JADE1: variants seen among roughly 807,000 people sequenced by gnomAD.
JADE1 encodes the protein protein Jade-1.
In JADE1, 14 loss-of-function variants were observed where a neutral mutation model predicts 81.8. The ratio of observed to expected loss-of-function variants is 0.17; its 90% confidence interval spans 0.11 to 0.27. The LOEUF (loss-of-function observed/expected upper bound fraction) is 0.27. JADE1 is among the 10% of genes least tolerant of loss of function. The pLI is 1.00. For missense variants in JADE1, 690 were observed against 1,047.9 expected, an observed-to-expected ratio of 0.66 and a Z score of 4.71; for synonymous variants, 353 against 391.9, an observed-to-expected ratio of 0.90 and a Z score of 1.17.
chr4:128,823,039 G>A (rs760271108), intron 1 of JADE1, among the ~76,000 whole-genome samples: 1 of 152,286 alleles, frequency 6.6e-6, no homozygotes, highest in Middle Eastern at 3.4e-3. Context: ...ATGGAAATAA[G>A]GATAAAAGCT....
At chr4:128,869,498 A>G (rs1732030304) in intron 10 of JADE1, among the ~76,000 whole-genome samples, 1 of 152,210 alleles carries the variant, frequency 6.6e-6, no homozygotes, top group Non-Finnish European at 1.5e-5. Flanking sequence ...GGCTTTCTGC[A>G]ACTCTTAGGT....
At chr4:128,851,924 T>A in intron 5 of JADE1, 133 bp from the exon 6 acceptor site, 1 of 679,872 alleles carries the variant, frequency 1.5e-6, no homozygotes, top group Non-Finnish European at 2.4e-6. Context: ...GCCTGGCCAG[T>A]GATTGGATTT....
At chr4:128,853,725 A>C (rs1031908795) in intron 6 of JADE1, among the ~76,000 whole-genome samples, 2 of 152,202 alleles carry the variant, frequency 1.3e-5, no homozygotes, top group Non-Finnish European at 2.9e-5. Context: ...CTTGTATGGA[A>C]TAGGTGCTTG....
At chr4:128,810,456 T>TG (rs1726245241) in intron 1 of JADE1, 1 of 144,462 alleles carries the variant, frequency 6.9e-6, no homozygotes, top group Admixed American at 6.7e-5. Flanking sequence ...ATAGGTTTTT[T>TG]TTTTTTTTTT....
chr4:128,840,532 G>A (rs894140893), intron 2 of JADE1, among the ~76,000 whole-genome samples: 5 of 152,044 alleles, frequency 3.3e-5, no homozygotes, highest in East Asian at 1.9e-4. Context: ...CAGACACTGC[G>A]TGTGCTTTTC....
chr4:128,843,171 G>A (rs947011485), intron 3 of JADE1, 133 bp downstream of exon 3: 13 of 669,298 alleles, frequency 1.9e-5, no homozygotes, highest in South Asian at 1.5e-4. Context: ...TCTGTAAGAC[G>A]GGGAGAACAC....
chr4:128,832,432 A>G (rs535242848), intron 2 of JADE1, among the ~76,000 whole-genome samples: 2 of 152,324 alleles, frequency 1.3e-5, no homozygotes, highest in East Asian at 3.9e-4. Flanking sequence ...CTACTCAGAG[A>G]AGAGCTCCCC....
At chr4:128,822,214 A>G (rs1293035534) in intron 1 of JADE1, among the ~76,000 whole-genome samples, 1 of 152,152 alleles carries the variant, frequency 6.6e-6, no homozygotes, top group Non-Finnish European at 1.5e-5. Flanking sequence ...ATAAATCTTT[A>G]CTACTGGCCG....
At chr4:128,869,002 A>G (rs1234803321) in intron 10 of JADE1, among the ~76,000 whole-genome samples, 2 of 152,244 alleles carry the variant, frequency 1.3e-5, no homozygotes, top group South Asian at 2.1e-4. Flanking sequence ...TATGGTGCAC[A>G]GAGAACAAAG....
chr4:128,832,076 G>C (rs1728606413), intron 2 of JADE1, among the ~76,000 whole-genome samples: 1 of 152,206 alleles, frequency 6.6e-6, no homozygotes, highest in African/African-American at 2.4e-5. Context: ...AGTCACTGGT[G>C]TGTCTGGTTT....
chr4:128,812,699 A>G (rs550840036), intron 1 of JADE1, among the ~76,000 whole-genome samples: 4 of 152,254 alleles, frequency 2.6e-5, no homozygotes, highest in Non-Finnish European at 5.9e-5. Flanking sequence ...CATGCCTTCG[A>G]AACCCGTTAG....
At chr4:128,813,719 C>T (rs539308534) in intron 1 of JADE1, among the ~76,000 whole-genome samples, 2 of 151,962 alleles carry the variant, frequency 1.3e-5, no homozygotes, top group African/African-American at 4.8e-5. Context: ...CCACGCCCAG[C>T]CTGCTTACGG....
chr4:128,859,246 A>G (rs1005697447), intron 8 of JADE1, among the ~76,000 whole-genome samples: 3 of 151,660 alleles, frequency 2.0e-5, no homozygotes, highest in Admixed American at 6.6e-5. Flanking sequence ...GTGAGCATGC[A>G]TATGTGTGCA....
At chr4:128,833,872 A>G (rs1209477933) in intron 2 of JADE1, among the ~76,000 whole-genome samples, 1 of 152,108 alleles carries the variant, frequency 6.6e-6, no homozygotes, top group African/African-American at 2.4e-5. Flanking sequence ...CTTCTTTGGG[A>G]GAGCTGTGTT....
intron 9 of JADE1, among the ~76,000 whole-genome samples, chr4:128,867,480 C>T (rs756342149): frequency 2.6e-5 from 4 of 152,190 alleles, no homozygotes; most frequent in Non-Finnish European, 5.9e-5. Flanking sequence ...GATATTGATG[C>T]AATAATTAGC....
intron 1 of JADE1, chr4:128,831,487 AC>A (rs1357633286): frequency 4.0e-6 from 2 of 499,466 alleles, no homozygotes; most frequent in Non-Finnish European, 7.2e-6. Context: ...ATAGAAAGAA[AC>A]CTGGCATCTT....
chr4:128,840,522 C>T (rs1344017496), intron 2 of JADE1, among the ~76,000 whole-genome samples: 1 of 152,172 alleles, frequency 6.6e-6, no homozygotes, highest in East Asian at 1.9e-4. Context: ...TAATTCCATC[C>T]AGACACTGCG....
chr4:128,857,326 T>C lies in JADE1; in HGVS notation c.865-12T>C. 1 of 1,610,646 alleles carries C rather than the reference T, an allele frequency of 6.2e-7. No homozygotes were observed. Among genetic ancestry groups the C allele is most frequent in the Non-Finnish European group, 8.5e-7 (1 of 1,176,936 alleles). On this transcript the variant is annotated splice_polypyrimidine_tract_variant and intron_variant, in intron 7 of 10. Transcript: ENST00000226319. Reference sequence around the variant, plus strand: ...CCTGAGCCACCCTGTCTTGCTGTTTTCCGACCTTTAGGTGAGCATTGGCAG... The same window carrying C: ...CCTGAGCCACCCTGTCTTGCTGTTTCCCGACCTTTAGGTGAGCATTGGCAG...
Position 128,853,704 on chromosome 4 carries a change from TAAAAG to T in JADE1, c.696+1440_696+1444del, listed in dbSNP as rs372711372. On this transcript the variant is annotated intron_variant, in intron 6 of 10. Coordinates refer to ENST00000226319, the MANE Select transcript of JADE1 (RefSeq NM_199320.4). ...TTGATGCTGAGATTTAAAGCAAACTTAAAAGAAAGACTTGTATGGAATAGGTGCTT... is the reference window on the plus strand; with the variant it reads ...TTGATGCTGAGATTTAAAGCAAACTTAAAGACTTGTATGGAATAGGTGCTT... Among the ~76,000 whole-genome samples, 259 of 152,330 alleles carry T rather than the reference TAAAAG, an allele frequency of 1.7e-3. 1 individual carries two copies. The highest frequency in any genetic ancestry group is 5.9e-3 in the African/African-American group (245 of 41,576).
Sources: allele counts gnomAD v4.1 joint callset (sites outside exome capture counted in the v4.1 genomes callset), GRCh38; gene constraint gnomAD v4.1.1; transcripts MANE v1.5; gene names NCBI Gene and HGNC (gene_info 2026-07-23, HGNC 2026-07-21).